Variants in FBN2 observed in about 807,000 individuals in gnomAD.
FBN2 encodes the protein fibrillin-2.
A neutral mutation model predicts 355.6 loss-of-function variants in FBN2; 105 were observed. That is an observed-to-expected ratio of 0.30 (90% CI 0.25 to 0.35). FBN2 has a LOEUF of 0.35. Among genes scored for constraint, FBN2 ranks in the 10% least tolerant of loss-of-function variants. The pLI is 1.00. For missense variants in FBN2, 3,280 were observed against 3,758.7 expected (o/e 0.87, Z 3.33); for synonymous variants, 1,350 against 1,301.2 (o/e 1.04, Z -0.81).
At chr5:128,377,104 C>A (rs1327542406) in intron 13 of FBN2, among the ~76,000 whole-genome samples, 1 of 152,064 alleles carries the variant, frequency 6.6e-6, no homozygotes. Context: ...ACCACATAAA[C>A]CATGAGTAGT....
At chr5:128,350,067 CAAG>C (rs1002347353) in intron 21 of FBN2, 62 bp from the exon 22 acceptor site, 20 of 1,324,102 alleles carry the variant, frequency 1.5e-5, no homozygotes, top group Non-Finnish European at 2.1e-5. Flanking sequence ...ATGGTATGCT[CAAG>C]AAGAAGTATA....
chr5:128,491,522 C>G (rs1755504428), intron 5 of FBN2, among the ~76,000 whole-genome samples: 1 of 152,174 alleles, frequency 6.6e-6, no homozygotes, highest in African/African-American at 2.4e-5. Flanking sequence ...ACTGCCAGGG[C>G]TAGCTTGTCA....
intron 4 of FBN2, among the ~76,000 whole-genome samples, chr5:128,527,618 T>C (rs1052276515): frequency 6.6e-6 from 1 of 152,086 alleles, no homozygotes; most frequent in Non-Finnish European, 1.5e-5. Context: ...GTGAGATGTG[T>C]CACATTTGCT....
chr5:128,291,772 T>C (rs1455355012), intron 48 of FBN2, 118 bp from the exon 49 acceptor site: 1 of 1,010,082 alleles, frequency 9.9e-7, no homozygotes, highest in African/African-American at 1.6e-5. Flanking sequence ...CGTTGTATGT[T>C]TAACTTATTC....
chr5:128,489,861 T>C (rs553895991), intron 5 of FBN2, among the ~76,000 whole-genome samples: 6 of 152,316 alleles, frequency 3.9e-5, no homozygotes, highest in Admixed American at 1.3e-4. Flanking sequence ...GAAGCCAATA[T>C]TGTATAGACT....
chr5:128,378,674 T>G lies in FBN2; in HGVS notation c.1723+97A>C, dbSNP rs186812438. On this transcript the variant is annotated intron_variant, in intron 12 of 64. Coordinates refer to ENST00000262464, the MANE Select transcript of FBN2 (RefSeq NM_001999.4). ...TAAATCTGTAATAATGTAACACTTA[T>G]TTTATTCCATGTTTTAATAAATTTA... is the stretch of plus-strand genomic sequence containing the variant. 93 of 1,311,074 alleles carry G rather than the reference T, an allele frequency of 7.1e-5. No homozygotes were observed. In the African/African-American group the frequency reaches 1.0e-3, roughly 15 times the overall value. 81.2% of individuals were successfully genotyped at this position (1,311,074 alleles called of 1,614,324 possible). A position where few individuals can be genotyped will look rare whatever the true frequency, so the allele number is the denominator to read the frequency against.
intron 8 of FBN2, among the ~76,000 whole-genome samples, chr5:128,399,618 T>G (rs1752742908): frequency 6.6e-6 from 1 of 152,084 alleles, no homozygotes; most frequent in Non-Finnish European, 1.5e-5. Context: ...TACTAACATA[T>G]TAAACAATAA....
At chr5:128,470,334 GGA>G (rs546546866) in intron 5 of FBN2, among the ~76,000 whole-genome samples, 2 of 152,304 alleles carry the variant, frequency 1.3e-5, no homozygotes, top group South Asian at 4.1e-4. Flanking sequence ...CAGCCACGTT[GGA>G]GAGAGTTAAG....
intron 6 of FBN2, among the ~76,000 whole-genome samples, chr5:128,457,848 A>C (rs980370174): frequency 3.6e-4 from 55 of 151,618 alleles, no homozygotes; most frequent in African/African-American, 5.1e-4. Context: ...ACTGCAAAAA[A>C]AAAAAACAAA....
intron 2 of FBN2, among the ~76,000 whole-genome samples, chr5:128,532,475 T>C (rs1176108485): frequency 6.6e-6 from 1 of 152,210 alleles, no homozygotes; most frequent in Non-Finnish European, 1.5e-5. Context: ...GAGAGATTTC[T>C]CTCTATAACC....
At chr5:128,413,394 A>G (rs1407503592) in intron 7 of FBN2, among the ~76,000 whole-genome samples, 6 of 152,254 alleles carry the variant, frequency 3.9e-5, no homozygotes. Context: ...AACGGAGGCT[A>G]AGGAAGAACA....
intron 51 of FBN2, among the ~76,000 whole-genome samples, 185 bp from the exon 52 acceptor site, chr5:128,289,437 A>G (rs2126819826): frequency 6.6e-6 from 1 of 152,140 alleles, no homozygotes; most frequent in Non-Finnish European, 1.5e-5. Flanking sequence ...TACAAAAAAA[A>G]ATTAGCCAGG....
In FBN2 at chr5:128,323,893, A is replaced by G. The variant is rs541557531; in HGVS notation, c.4471+4803T>C. 1.6e-4 allele frequency among the ~76,000 whole-genome samples: 25 copies of G among 152,336 alleles called. 1 individual carries two copies. The highest frequency in any genetic ancestry group is 5.9e-4 in the Admixed American group (9 of 15,296). On this transcript the variant is annotated intron_variant, in intron 34 of 64. Coordinates refer to ENST00000262464, the MANE Select transcript of FBN2 (RefSeq NM_001999.4). ...CAGCTCCTATTTGTACCTCTGGATGAATATGGCTGTCAATCTACCTGTTCC... is the reference window on the plus strand; with the variant it reads ...CAGCTCCTATTTGTACCTCTGGATGGATATGGCTGTCAATCTACCTGTTCC...
rs1417542052 is a variant in FBN2, at chr5:128,318,410, A to G, written c.4595-139T>C. On this transcript the variant is annotated intron_variant, in intron 35 of 64. Transcript: ENST00000262464. ...AAAGACTCAACACAATAAAATAAAT[A>G]TCTTAAATTTTGGTATATACCTAAA... The G allele has an allele frequency of 2.6e-5, 24 of 907,526 alleles. No homozygotes were observed. The Middle Eastern group carries it at 7.3e-4, about 28-fold the overall frequency. 56.2% of individuals were successfully genotyped at this position (907,526 alleles called of 1,614,324 possible).
rs186621327 is a variant in FBN2 at position 128,378,874 on chromosome 5, T to C, written c.1620A>G (p.Thr540=). Residue 540 remains threonine, a synonymous_variant, in exon 12 of 65, where the codon ACA becomes ACG. Coordinates refer to ENST00000262464, the MANE Select transcript of FBN2 (RefSeq NM_001999.4). ...AATCTCCATTAGTGCAGGGATTTGA[T>C]GTGCATTCATCAACATCTGTGAGCA... ...NGDCIDVDEC[T]SNPCTNGDCV... 1 of 1,613,154 alleles carries C rather than the reference T, an allele frequency of 6.2e-7. No homozygotes were observed. The highest frequency in any genetic ancestry group is 1.7e-5 in the Admixed American group (1 of 59,950).
chr5:128,284,437 C>T (rs1229444579), intron 55 of FBN2, among the ~76,000 whole-genome samples: 1 of 152,154 alleles, frequency 6.6e-6, no homozygotes, highest in Non-Finnish European at 1.5e-5. Flanking sequence ...ATGGTATTTG[C>T]CTACCTTTAG....
At chr5:128,459,164 A>G (rs1298984560) in intron 6 of FBN2, among the ~76,000 whole-genome samples, 2 of 152,210 alleles carry the variant, frequency 1.3e-5, no homozygotes, top group East Asian at 1.9e-4. Context: ...ATCAGAGAAT[A>G]CTATAAACAC....
intron 5 of FBN2, among the ~76,000 whole-genome samples, chr5:128,501,890 TGAAGTAGAGAACCTAAAAA>T (rs1755825420): frequency 6.6e-6 from 1 of 152,138 alleles, no homozygotes; most frequent in East Asian, 1.9e-4. Flanking sequence ...TCAATATACT[TGAAGTAGAGAACCTAAAAA>T]TGGAGAAAAA....
Position 128,320,661 on chromosome 5 carries a change from C to T in FBN2, c.4472-1660G>A, listed in dbSNP as rs529974285. On this transcript the variant is annotated intron_variant, in intron 34 of 64. Transcript: ENST00000262464. ...AATTCAAATAATACAGAAAACAAAA[C>T]AGCAAAACAATTACTCAAAAATGTT... Among the ~76,000 whole-genome samples the T allele has an allele frequency of 2.0e-5, 3 of 152,134 alleles. No homozygotes were observed. In the South Asian group the frequency reaches 6.2e-4, roughly 32 times the overall value.
Sources: allele counts gnomAD v4.1 joint callset (sites outside exome capture counted in the v4.1 genomes callset), GRCh38; gene constraint gnomAD v4.1.1; transcripts MANE v1.5; gene names NCBI Gene and HGNC (gene_info 2026-07-23, HGNC 2026-07-21).